Variants in TRIO observed in about 807,000 individuals in gnomAD.
TRIO encodes trio Rho guanine nucleotide exchange factor.
In TRIO, 58 loss-of-function variants were observed where a neutral mutation model predicts 351.9. The ratio of observed to expected loss-of-function variants is 0.16; its 90% confidence interval spans 0.13 to 0.21. TRIO has a LOEUF of 0.21. TRIO is among the 10% of genes least tolerant of loss of function. TRIO has a pLI of 1.00. For missense variants in TRIO, 3,201 were observed against 4,027.8 expected, an observed-to-expected ratio of 0.79 and a Z score of 5.56; for synonymous variants, 1,758 against 1,595.7, an observed-to-expected ratio of 1.10 and a Z score of -2.42.
intron 35 of TRIO, among the ~76,000 whole-genome samples, chr5:14,461,975 A>G (rs1399040769): frequency 1.3e-5 from 2 of 152,212 alleles, no homozygotes; most frequent in Non-Finnish European, 2.9e-5. Context: ...ATTGCAAGAA[A>G]CAGAATTCCT....
intron 53 of TRIO, among the ~76,000 whole-genome samples, chr5:14,500,071 A>T (rs1426652182): frequency 6.8e-6 from 1 of 146,340 alleles, no homozygotes; most frequent in Non-Finnish European, 1.5e-5. Flanking sequence ...AAAAAAAAAG[A>T]CTATTCATAC....
intron 53 of TRIO, among the ~76,000 whole-genome samples, chr5:14,502,144 G>A (rs553938998): frequency 1.3e-5 from 2 of 152,242 alleles, no homozygotes; most frequent in Admixed American, 6.5e-5. Context: ...GTGGGGAGGA[G>A]AGAGCAACTT....
intron 1 of TRIO, among the ~76,000 whole-genome samples, chr5:14,173,816 G>A (rs543652250): frequency 2.6e-4 from 39 of 152,272 alleles, no homozygotes; most frequent in African/African-American, 9.1e-4. Context: ...GAGCACAGAG[G>A]TTTGCTTTGT....
intron 10 of TRIO, among the ~76,000 whole-genome samples, chr5:14,332,862 C>T (rs780807014): frequency 6.6e-6 from 1 of 152,150 alleles, no homozygotes; most frequent in Non-Finnish European, 1.5e-5. Flanking sequence ...ACCCAGCAGG[C>T]GCTTGTGGTG....
rs1008212606 is a variant in TRIO, at chr5:14,353,321, T to A, written c.2047-4857T>A. 2.0e-5 allele frequency among the ~76,000 whole-genome samples: 3 copies of A among 148,506 alleles called. No homozygotes were observed. The East Asian group carries it at 6.0e-4, about 29-fold the overall frequency. On this transcript the variant is annotated intron_variant, in intron 11 of 56. Coordinates refer to ENST00000344204, the MANE Select transcript of TRIO (RefSeq NM_007118.4). ...CTGAGTCGCCCAGGCTGGAGTGCAG[T>A]GGCATGATCTCAGTTCACTGCACCC...
intron 10 of TRIO, among the ~76,000 whole-genome samples, 158 bp from the exon 11 acceptor site, chr5:14,336,378 T>C (rs1201574296): frequency 6.6e-6 from 1 of 152,208 alleles, no homozygotes; most frequent in African/African-American, 2.4e-5. Flanking sequence ...CTGCATAGAA[T>C]TCCCAAAATC....
At chr5:14,488,533 A>G in intron 48 of TRIO, 1 of 536,038 alleles carries the variant, frequency 1.9e-6, no homozygotes. Context: ...AACCAGCAGA[A>G]TATCTTCTTG....
At chr5:14,276,534 A>G (rs1042688758) in intron 2 of TRIO, among the ~76,000 whole-genome samples, 1 of 152,182 alleles carries the variant, frequency 6.6e-6, no homozygotes, top group African/African-American at 2.4e-5. Context: ...TCTCTTTTTC[A>G]CAAACTGTGT....
intron 40 of TRIO, among the ~76,000 whole-genome samples, chr5:14,476,274 A>G (rs113863751): frequency 2.0e-4 from 30 of 152,356 alleles, no homozygotes; most frequent in African/African-American, 7.0e-4. Context: ...AGCCTAGGAT[A>G]TTAGCACTTG....
intron 21 of TRIO, among the ~76,000 whole-genome samples, chr5:14,383,690 A>G (rs1255651448): frequency 6.6e-6 from 1 of 152,116 alleles, no homozygotes; most frequent in Non-Finnish European, 1.5e-5. Context: ...TTTGAAAAGA[A>G]CACCCCTCAC....
intron 4 of TRIO, among the ~76,000 whole-genome samples, chr5:14,288,904 T>C (rs1736674099): frequency 6.6e-6 from 1 of 152,212 alleles, no homozygotes; most frequent in Admixed American, 6.5e-5. Context: ...CCTTGAGGCA[T>C]ATTAATATTA....
chr5:14,253,510 C>CT (rs60569390), intron 1 of TRIO, among the ~76,000 whole-genome samples: 4,955 of 151,456 alleles, frequency 0.033, 283 homozygotes, highest in African/African-American at 0.11. Flanking sequence ...CGGCTGATTT[C>CT]TTTTTTTTTG....
intron 38 of TRIO, among the ~76,000 whole-genome samples, chr5:14,471,992 AT>A (rs1754726787): frequency 6.6e-6 from 1 of 151,942 alleles, no homozygotes; most frequent in Non-Finnish European, 1.5e-5. Context: ...AGCACCTCCG[AT>A]GGTGTTGGGC....
At chr5:14,193,822 A>C (rs1051472538) in intron 1 of TRIO, among the ~76,000 whole-genome samples, 4 of 152,204 alleles carry the variant, frequency 2.6e-5, no homozygotes, top group African/African-American at 9.7e-5. Context: ...TAGCCTCCAA[A>C]AATATTACAC....
intron 1 of TRIO, among the ~76,000 whole-genome samples, chr5:14,245,253 C>T (rs1794365970): frequency 6.6e-6 from 1 of 152,200 alleles, no homozygotes; most frequent in Non-Finnish European, 1.5e-5. Flanking sequence ...GTTGAAAATG[C>T]TGGCACAGTT....
chr5:14,340,989 T>C (rs568072364), intron 11 of TRIO, among the ~76,000 whole-genome samples: 2 of 152,332 alleles, frequency 1.3e-5, no homozygotes, highest in East Asian at 3.9e-4. Flanking sequence ...GTTCGTAGCC[T>C]CCTTTCAGAA....
intron 33 of TRIO, among the ~76,000 whole-genome samples, chr5:14,415,511 C>G (rs1467312707): frequency 6.6e-6 from 1 of 152,134 alleles, no homozygotes; most frequent in Non-Finnish European, 1.5e-5. Flanking sequence ...TGAGAAGTCC[C>G]CAGCCACAGC....
At chr5:14,469,366 A>AT (rs1365804963) in intron 37 of TRIO, among the ~76,000 whole-genome samples, 5 of 152,362 alleles carry the variant, frequency 3.3e-5, no homozygotes, top group Non-Finnish European at 7.4e-5. Flanking sequence ...ATAAGACATT[A>AT]TTTTGTTCAT....
chr5:14,202,294 A>ATTTTTTTTTTTTTTTTTTTTTTTTT (rs60827656), intron 1 of TRIO, among the ~76,000 whole-genome samples: 4 of 33,564 alleles, frequency 1.2e-4, no homozygotes, highest in Admixed American at 4.7e-4. Context: ...TATTTTTGTG[A>ATTTTTTTTTTTTTTTTTTTTTTTTT]TTTTTTTTTT....
Sources: gnomAD v4.1 joint callset for allele counts (sites outside exome capture counted in the v4.1 genomes callset) on GRCh38, gnomAD v4.1.1 for gene constraint, MANE v1.5 for transcripts, NCBI Gene and HGNC (gene_info 2026-07-23, HGNC 2026-07-21) for gene names.